Variants in BMI1 observed in about 807,000 individuals in gnomAD.
BMI1 encodes the protein polycomb complex protein BMI-1.
BMI1 carries 9 observed loss-of-function variants against 39.1 expected under a neutral mutation model. The observed-to-expected ratio is 0.23, with a 90% CI of 0.14 to 0.40. The LOEUF is 0.40. Among genes scored for constraint, BMI1 ranks in the 10% least tolerant of loss-of-function variants. The pLI is 1.00. For missense variants in BMI1, 252 were observed against 390.8 expected, an observed-to-expected ratio of 0.64 and a Z score of 2.99; for synonymous variants, 131 against 127.9, an observed-to-expected ratio of 1.02 and a Z score of -0.16.
At chr10:22,328,990 C>CA (rs1312246998) in intron 8 of BMI1, 58 bp from the exon 9 acceptor site, 3 of 1,490,772 alleles carry the variant, frequency 2.0e-6, no homozygotes, top group South Asian at 2.6e-5. Context: ...ATTTAAATGA[C>CA]AAAAAATGTA....
rs1404713772 is a variant in BMI1 at position 22,328,584 on chromosome 10, C to G, written c.472-16C>G. On this transcript the variant is annotated splice_polypyrimidine_tract_variant and intron_variant, in intron 7 of 9. Coordinates refer to ENST00000376663, the MANE Select transcript of BMI1 (RefSeq NM_005180.9). ...TAAAGTAACTGAAAAAGTTACTTTT[C>G]TAAATGTACTTTTAGGTGAATGATA... 18 of 1,579,260 alleles carry G rather than the reference C, an allele frequency of 1.1e-5. No homozygotes were observed. Among genetic ancestry groups the G allele is most frequent in the Non-Finnish European group, 1.5e-5 (18 of 1,167,908 alleles).
Position 22,327,606 on chromosome 10 carries a change from C to T in BMI1, c.221C>T (p.Thr74Ile). Reference sequence around the variant, plus strand: ...TAATTATTTTTCAGGTCAGATAAAACTCTCCAAGATATTGTATACAAATTA... The same window carrying T: ...TAATTATTTTTCAGGTCAGATAAAATTCTCCAAGATATTGTATACAAATTA... ...RPLLNIRSDK[T>I]LQDIVYKLVP... is the part of the protein sequence containing the mutation. Residue 74 changes from threonine (T) to isoleucine (I), a missense_variant, in exon 4 of 10, where the codon ACT becomes ATT. By Grantham distance (89) the Thr-to-Ile change is moderately conservative. Transcript: ENST00000376663. The T allele has an allele frequency of 6.2e-7, 1 of 1,606,430 alleles. No homozygotes were observed. Among genetic ancestry groups the T allele is most frequent in the Non-Finnish European group, 8.5e-7 (1 of 1,177,310 alleles).
intron 3 of BMI1, 81 bp downstream of exon 3, chr10:22,327,067 C>G: frequency 6.7e-7 from 1 of 1,490,578 alleles, no homozygotes; most frequent in Non-Finnish European, 9.2e-7. Context: ...TTTATTTCTT[C>G]ACAGAAAATT....
chr10:22,331,386 A>G lies in BMI1; in HGVS notation c.*1844A>G, dbSNP rs947205038. On this transcript the variant is annotated 3_prime_UTR_variant, in exon 10 of 10. Coordinates refer to ENST00000376663, the MANE Select transcript of BMI1 (RefSeq NM_005180.9). ...ATTGCTGACTTATAGTGATGTGGCTAAGAAGTACATGCTTTGTTGTAAAAT... is the reference window on the plus strand; with the variant it reads ...ATTGCTGACTTATAGTGATGTGGCTGAGAAGTACATGCTTTGTTGTAAAAT... 3.9e-5 allele frequency: 6 copies of G among 152,188 alleles called. No homozygotes were observed. The highest frequency in any genetic ancestry group is 8.8e-5 in the Non-Finnish European group (6 of 67,982). The allele number at this position is 152,188 out of a possible 1,614,324, so 9.4% of individuals were successfully genotyped here.
At position 22,331,346 on chromosome 10, in the gene BMI1, C is replaced by T. The variant is rs994986922; in HGVS notation, c.*1804C>T. 6.6e-6 allele frequency: 1 copy of T among 152,082 alleles called. No individual in the cohort carries two copies. Among genetic ancestry groups the T allele is most frequent in the African/African-American group, 2.4e-5 (1 of 41,430 alleles). 9.4% of individuals were successfully genotyped at this position (152,082 alleles called of 1,614,324 possible). A position where few individuals can be genotyped will look rare whatever the true frequency, so the allele number is the denominator to read the frequency against. On this transcript the variant is annotated 3_prime_UTR_variant, in exon 10 of 10. Transcript: ENST00000376663. Reference sequence around the variant, plus strand: ...CCTATAGAGGATTACAACAGGTAAACGTTAAAGAGAATACATTGCTGACTT... The same window carrying T: ...CCTATAGAGGATTACAACAGGTAAATGTTAAAGAGAATACATTGCTGACTT...
At chr10:22,326,705 CTT>C in intron 2 of BMI1, 144 bp downstream of exon 2, 2 of 1,372,186 alleles carry the variant, frequency 1.5e-6, no homozygotes, top group South Asian at 2.9e-5. Context: ...CATCTAATGA[CTT>C]TTTGTTAATA....
chr10:22,328,553 ATATCT>A, intron 7 of BMI1, 42 bp from the exon 8 acceptor site: 2 of 1,553,824 alleles, frequency 1.3e-6, no homozygotes, highest in Non-Finnish European at 1.7e-6. Flanking sequence ...AACTTTCTTC[ATATCT>A]TAAAGTAACT....
At chr10:22,326,649 C>T (rs1382783405) in intron 2 of BMI1, 88 bp downstream of exon 2, 3 of 1,545,934 alleles carry the variant, frequency 1.9e-6, no homozygotes, top group African/African-American at 2.8e-5. Context: ...TTCCTGCAAT[C>T]TGTGGAAATG....
chr10:22,323,332 A>C (rs1310414906), intron 1 of BMI1, among the ~76,000 whole-genome samples: 1 of 152,260 alleles, frequency 6.6e-6, no homozygotes, highest in East Asian at 1.9e-4. Context: ...AGTGTTTGAA[A>C]TAACCTACTT....
intron 1 of BMI1, chr10:22,326,194 C>A: frequency 2.3e-6 from 1 of 429,408 alleles, no homozygotes; most frequent in Non-Finnish European, 4.1e-6. Context: ...CCCAGACTTT[C>A]TTCTACCTAC....
In BMI1 at chr10:22,328,287, T is replaced by G. The variant is rs906635104; in HGVS notation, c.471+108T>G. The stretch of plus-strand genomic sequence containing the variant: ...TATTAGGCTGTTAAATAGAAGAAAA[T>G]GGTCATGTTTAATGTTTAAGAAAGG... On this transcript the variant is annotated intron_variant, in intron 7 of 9. Transcript: ENST00000376663. The G allele has an allele frequency of 7.8e-6, 10 of 1,287,820 alleles. No homozygotes were observed. In the African/African-American group the frequency reaches 1.5e-4, roughly 19 times the overall value. The allele number at this position is 1,287,820 out of a possible 1,614,324, so 79.8% of individuals were successfully genotyped here.
intron 2 of BMI1, 145 bp from the exon 3 acceptor site, chr10:22,326,745 T>C (rs1210422721): frequency 7.7e-7 from 1 of 1,301,474 alleles, no homozygotes; most frequent in African/African-American, 1.5e-5. Flanking sequence ...AAGCATGCAA[T>C]ATATGTGTTC....
Position 22,329,493 on chromosome 10 carries a change from G to T in BMI1, c.932G>T (p.Arg311Ile). 1 of 1,614,124 alleles carries T rather than the reference G, an allele frequency of 6.2e-7. No individual in the cohort carries two copies. The highest frequency in any genetic ancestry group is 1.3e-5 in the African/African-American group (1 of 75,042). ...AACCACCAATCTTCTTTTGCCAATA[G>T]ACCTCGAAAATCATCAGTAAATGGG... ...SGNHQSSFAN[R>I]PRKSSVNGSS... The change falls in exon 10 of 10, where the codon AGA (arginine) becomes ATA (isoleucine). Residue 311 changes from arginine to isoleucine, a missense_variant. Around this residue, in one of 4 missense-constraint regions of BMI1, gnomAD observed 96 missense variants for 120.2 expected, o/e 0.80. Coordinates refer to ENST00000376663, the MANE Select transcript of BMI1 (RefSeq NM_005180.9).
intron 1 of BMI1, among the ~76,000 whole-genome samples, chr10:22,323,178 A>G (rs1200980233): frequency 6.6e-6 from 1 of 152,252 alleles, no homozygotes; most frequent in African/African-American, 2.4e-5. Flanking sequence ...TATTGACAGT[A>G]TATAACAAGT....
At chr10:22,322,079 T>C (rs1163287501) in intron 1 of BMI1, 3 of 150,932 alleles carry the variant, frequency 2.0e-5, no homozygotes, top group African/African-American at 7.3e-5. Flanking sequence ...CGGGCGCCCC[T>C]CCGCACCCTC....
intron 1 of BMI1, chr10:22,321,971 C>T (rs1836014721): frequency 6.9e-6 from 1 of 145,258 alleles, no homozygotes; most frequent in Admixed American, 6.8e-5. Context: ...CCGCGCCGCG[C>T]CGCCGCCGCC....
intron 5 of BMI1, 73 bp downstream of exon 5, chr10:22,327,865 T>C (rs1250288026): frequency 1.2e-6 from 2 of 1,600,170 alleles, no homozygotes; most frequent in African/African-American, 1.4e-5. Context: ...TGTATTAAAA[T>C]TGACTTTACC....
chr10:22,322,165 TGA>T (rs1836022643), intron 1 of BMI1: 1 of 151,576 alleles, frequency 6.6e-6, no homozygotes, highest in Admixed American at 6.6e-5. Flanking sequence ...CGCCCTTTGT[TGA>T]GAGGTAGATT....
chr10:22,321,856 C>G (rs892746614), intron 1 of BMI1, among the ~76,000 whole-genome samples, 160 bp downstream of exon 1: 1 of 143,816 alleles, frequency 7.0e-6, no homozygotes, highest in Non-Finnish European at 1.5e-5. Flanking sequence ...CGCCCCGCGC[C>G]GCCCGCCCCG....
Sources: gnomAD v4.1 joint callset for allele counts (sites outside exome capture counted in the v4.1 genomes callset) on GRCh38, gnomAD v4.1.1 for gene constraint, gnomAD v4.1.1 regional missense constraint, MANE v1.5 for transcripts, NCBI Gene and HGNC (gene_info 2026-07-23, HGNC 2026-07-21) for gene names.